Variants in EFCAB11 observed in about 807,000 individuals in gnomAD.
EFCAB11 encodes EF-hand calcium-binding domain-containing protein 11.
In EFCAB11, 14 loss-of-function variants were observed where a neutral mutation model predicts 23.0. That is an observed-to-expected ratio of 0.61 (90% CI 0.40 to 0.95). The LOEUF (loss-of-function observed/expected upper bound fraction) is 0.95. Ranked by LOEUF, EFCAB11 falls within the 40% of genes least tolerant of loss-of-function variation. EFCAB11 has a pLI of 0.00. For synonymous variants in EFCAB11, 65 were observed against 66.6 expected (o/e 0.98, Z 0.11); for missense variants, 198 against 195.8 (o/e 1.01, Z -0.07).
At chr14:89,848,060 T>G (rs185383546) in intron 5 of EFCAB11, among the ~76,000 whole-genome samples, 1 of 152,342 alleles carries the variant, frequency 6.6e-6, no homozygotes, top group Admixed American at 6.5e-5. Context: ...CTTTACATAT[T>G]AAAATATCAA....
intron 5 of EFCAB11, among the ~76,000 whole-genome samples, chr14:89,862,179 T>C (rs1015627961): frequency 6.6e-6 from 1 of 152,228 alleles, no homozygotes; most frequent in Non-Finnish European, 1.5e-5. Context: ...AATTGAATTA[T>C]ATTGCAGCTC....
At chr14:89,807,775 T>C (rs1691005618) in intron 5 of EFCAB11, among the ~76,000 whole-genome samples, 1 of 152,310 alleles carries the variant, frequency 6.6e-6, no homozygotes, top group Non-Finnish European at 1.5e-5. Flanking sequence ...TTACTTTCTT[T>C]GGGAAATTTG....
intron 5 of EFCAB11, among the ~76,000 whole-genome samples, chr14:89,805,248 A>T (rs1328049369): frequency 6.6e-6 from 1 of 152,122 alleles, no homozygotes; most frequent in African/African-American, 2.4e-5. Flanking sequence ...ATTGTGGGGG[A>T]ACAGACCCCC....
chr14:89,874,315 T>A (rs977307034), intron 5 of EFCAB11, among the ~76,000 whole-genome samples: 7 of 152,110 alleles, frequency 4.6e-5, no homozygotes, highest in African/African-American at 1.7e-4. Context: ...CACAAAACCA[T>A]TTTTTCCTCC....
chr14:89,804,526 C>T (rs772944216), intron 5 of EFCAB11, among the ~76,000 whole-genome samples: 4 of 152,180 alleles, frequency 2.6e-5, no homozygotes, highest in Non-Finnish European at 5.9e-5. Flanking sequence ...CACTTGCATT[C>T]CCTCATTCTC....
chr14:89,889,851 G>C (rs919540626), intron 5 of EFCAB11, among the ~76,000 whole-genome samples: 18 of 152,320 alleles, frequency 1.2e-4, no homozygotes, highest in African/African-American at 4.3e-4. Flanking sequence ...CCACTGGAGG[G>C]GAACAATGGG....
rs541331287 is a variant in EFCAB11 at position 89,900,434 on chromosome 14, T to C, written c.410+31107A>G. ...CCTGGGAGGAACATAAATGGACAAATTTTCTGACTTGAATATTTCATATAT... is the reference window on the plus strand; with the variant it reads ...CCTGGGAGGAACATAAATGGACAAACTTTCTGACTTGAATATTTCATATAT... On this transcript the variant is annotated intron_variant, in intron 5 of 5. Transcript: ENST00000316738. 2.6e-4 allele frequency among the ~76,000 whole-genome samples: 40 copies of C among 152,236 alleles called. 2 individuals carry two copies. The South Asian group carries it at 7.9e-3, about 30-fold the overall frequency.
At chr14:89,907,142 G>A (rs1039622773) in intron 5 of EFCAB11, among the ~76,000 whole-genome samples, 54 of 152,266 alleles carry the variant, frequency 3.5e-4, no homozygotes, top group African/African-American at 1.1e-3. Flanking sequence ...TTCAAACTTG[G>A]AAGAACTGAC....
chr14:89,886,986 T>C (rs574185033), intron 5 of EFCAB11, among the ~76,000 whole-genome samples: 3 of 152,350 alleles, frequency 2.0e-5, no homozygotes, highest in African/African-American at 7.2e-5. Flanking sequence ...CTTATAGATT[T>C]GAATTAACAA....
chr14:89,855,304 C>T (rs1351568165), intron 5 of EFCAB11, among the ~76,000 whole-genome samples: 4 of 151,920 alleles, frequency 2.6e-5, no homozygotes, highest in African/African-American at 9.7e-5. Context: ...GGCGAAACCC[C>T]ATCTCTACAA....
At chr14:89,900,773 G>A (rs945488693) in intron 5 of EFCAB11, among the ~76,000 whole-genome samples, 2 of 152,188 alleles carry the variant, frequency 1.3e-5, no homozygotes, top group Non-Finnish European at 2.9e-5. Flanking sequence ...GCAAATCACA[G>A]AAAGACTTCT....
At chr14:89,881,044 G>A (rs1341192254) in intron 5 of EFCAB11, among the ~76,000 whole-genome samples, 1 of 152,046 alleles carries the variant, frequency 6.6e-6, no homozygotes, top group Non-Finnish European at 1.5e-5. Flanking sequence ...CTCTCCTGTG[G>A]TCTCTGCAGG....
chr14:89,837,641 C>T (rs1887127065), intron 5 of EFCAB11, among the ~76,000 whole-genome samples: 1 of 151,988 alleles, frequency 6.6e-6, no homozygotes, highest in Non-Finnish European at 1.5e-5. Context: ...ACTGATAGAA[C>T]CATTTTTAAA....
At chr14:89,902,304 C>T (rs1019737196) in intron 5 of EFCAB11, among the ~76,000 whole-genome samples, 3 of 152,168 alleles carry the variant, frequency 2.0e-5, no homozygotes, top group Non-Finnish European at 2.9e-5. Flanking sequence ...CCCATTCAAA[C>T]GTTTTCTATA....
intron 5 of EFCAB11, among the ~76,000 whole-genome samples, chr14:89,832,608 G>A (rs897286684): frequency 2.6e-5 from 4 of 152,086 alleles, no homozygotes; most frequent in African/African-American, 7.2e-5. Flanking sequence ...TGTAAATATC[G>A]TAAGCTGAAA....
chr14:89,937,682 C>T (rs781716506), intron 3 of EFCAB11, among the ~76,000 whole-genome samples: 50 of 152,206 alleles, frequency 3.3e-4, no homozygotes, highest in Admixed American at 1.4e-3. Context: ...TGTGCCATCA[C>T]ACCCGGCTAA....
At chr14:89,825,088 A>G (rs1158324062) in intron 5 of EFCAB11, among the ~76,000 whole-genome samples, 2 of 148,188 alleles carry the variant, frequency 1.3e-5, no homozygotes, top group Admixed American at 1.3e-4. Flanking sequence ...ATTTACCAAG[A>G]TAGATGCTGG....
intron 5 of EFCAB11, among the ~76,000 whole-genome samples, chr14:89,927,496 A>G (rs962173419): frequency 4.6e-5 from 7 of 152,212 alleles, no homozygotes; most frequent in South Asian, 2.1e-4. Flanking sequence ...CAATTAAGTG[A>G]AAAGCTACTC....
At chr14:89,862,171 T>G (rs137888255) in intron 5 of EFCAB11, among the ~76,000 whole-genome samples, 225 of 152,328 alleles carry the variant, frequency 1.5e-3, no homozygotes, top group African/African-American at 4.4e-3. Flanking sequence ...CTAAATTGAA[T>G]TGAATTATAT....
Sources: allele counts gnomAD v4.1 joint callset (sites outside exome capture counted in the v4.1 genomes callset), GRCh38; gene constraint gnomAD v4.1.1; transcripts MANE v1.5; gene names NCBI Gene and HGNC (gene_info 2026-07-23, HGNC 2026-07-21).